The following MSN variants were observed in gnomAD, a reference collection of about 807,000 sequenced individuals.
MSN encodes the protein epididymis luminal protein 70.
MSN carries 2 observed loss-of-function variants against 48.0 expected under a neutral mutation model. That is an observed-to-expected ratio of 0.04 (90% confidence interval 0.02 to 0.13). The LOEUF (loss-of-function observed/expected upper bound fraction) is 0.13. Among genes scored for constraint, MSN ranks in the 10% least tolerant of loss-of-function variants. MSN has a pLI of 1.00. For synonymous variants in MSN, 146 were observed against 166.9 expected, an observed-to-expected ratio of 0.87 and a Z score of 0.97; for missense variants, 267 against 470.1, an observed-to-expected ratio of 0.57 and a Z score of 3.99.
At chrX:65,666,789 A>T (rs2070875564), upstream of MSN, among the ~76,000 whole-genome samples, 1 of 111,387 alleles carries the variant, frequency 9.0e-6, no homozygotes, top group South Asian at 3.8e-4. Context: ...AGACGACTTC[A>T]ACAGTCTAGA....
intron 1 of MSN, among the ~76,000 whole-genome samples, chrX:65,693,129 C>A (rs1458877001): frequency 4.5e-5 from 5 of 111,757 alleles, no homozygotes; most frequent in African/African-American, 1.6e-4. Context: ...TTGAATCCTG[C>A]TTCTTGTAGC....
intron 1 of MSN, among the ~76,000 whole-genome samples, chrX:65,592,314 G>A (rs1195389885): frequency 9.6e-6 from 1 of 104,252 alleles, no homozygotes; most frequent in Non-Finnish European, 1.9e-5. Context: ...TCTTGCCTCA[G>A]CCTCTCGAGT....
At chrX:65,596,999 C>G (rs2070192221) in intron 1 of MSN, among the ~76,000 whole-genome samples, 1 of 111,773 alleles carries the variant, frequency 8.9e-6, no homozygotes, top group African/African-American at 3.3e-5. Context: ...TCAGCTTTCT[C>G]TTCTTCTACT....
intron 1 of MSN, among the ~76,000 whole-genome samples, chrX:65,684,803 A>T (rs1188406541): frequency 2.7e-5 from 3 of 112,678 alleles, no homozygotes; most frequent in Non-Finnish European, 5.6e-5. Context: ...CAGTGGTGTG[A>T]TCATAGCACA....
chrX:65,619,923 A>G (rs2070418466), intron 1 of MSN, among the ~76,000 whole-genome samples: 1 of 110,007 alleles, frequency 9.1e-6, no homozygotes, highest in Admixed American at 9.6e-5. Context: ...TTTTCCTTTT[A>G]ACAGAGAGGA....
At chrX:65,684,415 A>G (rs1435157048) in intron 1 of MSN, among the ~76,000 whole-genome samples, 3 of 110,224 alleles carry the variant, frequency 2.7e-5, no homozygotes, top group Admixed American at 9.6e-5. Context: ...TAGGTAGAAC[A>G]CTTTTTAAAC....
At chrX:65,726,093 G>C (rs868865338) in intron 2 of MSN, among the ~76,000 whole-genome samples, 1 of 111,430 alleles carries the variant, frequency 9.0e-6, no homozygotes, top group Non-Finnish European at 1.9e-5. Flanking sequence ...AATGAAGGTC[G>C]ATGACTTGGG....
intron 1 of MSN, among the ~76,000 whole-genome samples, chrX:65,715,243 T>C: frequency 8.9e-6 from 1 of 111,932 alleles, no homozygotes. Flanking sequence ...TCATTTGAAG[T>C]TGGGTAGCAT....
intron 1 of MSN, among the ~76,000 whole-genome samples, chrX:65,705,452 TAAG>T (rs2071352501): frequency 9.0e-6 from 1 of 111,659 alleles, no homozygotes. Flanking sequence ...ATTTTGAAAG[TAAG>T]AACTGAAGTT....
At chrX:65,716,644 G>C in intron 1 of MSN, 174 bp from the exon 2 acceptor site, 1 of 459,670 alleles carries the variant, frequency 2.2e-6, no homozygotes. Context: ...TAAGCTGCTT[G>C]GGAGCAGGGG....
chrX:65,591,274 G>T (rs902647477), intron 1 of MSN, among the ~76,000 whole-genome samples: 7 of 111,614 alleles, frequency 6.3e-5, no homozygotes, highest in Admixed American at 5.7e-4. Flanking sequence ...TCAGGTCAAA[G>T]TGAGCCCCAC....
rs1339442966 is a variant in MSN, at chrX:65,721,556, C to CT, written c.96+4666dup. ...ATACTCTGCAATAAGGACAGTAAAC[C>CT]TTTTTTTTTTTCATTTTATAAAATA... On this transcript the variant is annotated intron_variant, in intron 2 of 12. Coordinates refer to ENST00000360270, the MANE Select transcript of MSN (RefSeq NM_002444.3). 2.1e-3 allele frequency among the ~76,000 whole-genome samples: 215 copies of CT among 104,294 alleles called. 1 individual carries two copies. Among genetic ancestry groups the CT allele is most frequent in the African/African-American group, 3.1e-3 (89 of 28,811 alleles). The allele number at this position is 104,294 out of a possible 115,157, so 90.6% of individuals were successfully genotyped here.
chrX:65,595,486 G>A (rs986660867), intron 1 of MSN, among the ~76,000 whole-genome samples: 1 of 112,113 alleles, frequency 8.9e-6, no homozygotes, highest in Non-Finnish European at 1.9e-5. Context: ...TGGGAGGTCT[G>A]TAGGCCTACC....
chrX:65,645,768 T>C (rs1328686158), intron 1 of MSN, among the ~76,000 whole-genome samples: 1 of 111,444 alleles, frequency 9.0e-6, no homozygotes, highest in South Asian at 3.8e-4. Context: ...TGATGGTTCA[T>C]GGGTACCTCA....
At chrX:65,718,499 C>T (rs1364364897) in intron 2 of MSN, among the ~76,000 whole-genome samples, 2 of 111,733 alleles carry the variant, frequency 1.8e-5, no homozygotes, top group Non-Finnish European at 3.8e-5. Flanking sequence ...TGATAGCTCC[C>T]TTTCCAATAC....
intron 1 of MSN, among the ~76,000 whole-genome samples, chrX:65,637,566 C>T (rs921463099): frequency 9.0e-6 from 1 of 111,568 alleles, no homozygotes; most frequent in Non-Finnish European, 1.9e-5. Context: ...CATAAAGAGC[C>T]TCCTTGCTGT....
intron 1 of MSN, among the ~76,000 whole-genome samples, chrX:65,686,559 A>T (rs773726533): frequency 8.9e-6 from 1 of 112,894 alleles, no homozygotes; most frequent in East Asian, 2.8e-4. Flanking sequence ...CATTTTAAAT[A>T]ATTTTTTGGG....
At chrX:65,699,886 A>G (rs1367653049) in intron 1 of MSN, among the ~76,000 whole-genome samples, 2 of 111,332 alleles carry the variant, frequency 1.8e-5, no homozygotes, top group Non-Finnish European at 3.8e-5. Flanking sequence ...TTCTAGTTCT[A>G]TTTCTTTCAC....
chrX:65,681,614 AC>A (rs1423805032), intron 1 of MSN, among the ~76,000 whole-genome samples: 5 of 112,350 alleles, frequency 4.5e-5, no homozygotes, highest in African/African-American at 1.6e-4. Flanking sequence ...GCCTTGAGTC[AC>A]CAGTGCAAAT....
Sources: allele counts gnomAD v4.1 joint callset (sites outside exome capture counted in the v4.1 genomes callset), GRCh38; gene constraint gnomAD v4.1.1; transcripts MANE v1.5; gene names NCBI Gene and HGNC (gene_info 2026-07-23, HGNC 2026-07-21).